Variants in DPP10 observed in about 807,000 individuals in gnomAD.
The protein encoded by DPP10 is inactive dipeptidyl peptidase 10.
In DPP10, 33 loss-of-function variants were observed where a neutral mutation model predicts 120.9. The ratio of observed to expected loss-of-function variants is 0.27; its 90% CI spans 0.21 to 0.37. The LOEUF (loss-of-function observed/expected upper bound fraction) is 0.37. Ranked by LOEUF, DPP10 falls within the 10% of genes least tolerant of loss-of-function variation. The pLI is 1.00. For missense variants in DPP10, 816 were observed against 942.8 expected, an observed-to-expected ratio of 0.87 and a Z score of 1.76; for synonymous variants, 337 against 326.1, an observed-to-expected ratio of 1.03 and a Z score of -0.36.
intron 7 of DPP10, among the ~76,000 whole-genome samples, chr2:115,710,599 T>C (rs2092286130): frequency 6.6e-6 from 1 of 152,130 alleles, no homozygotes; most frequent in South Asian, 2.1e-4. Flanking sequence ...GTTCATTTTT[T>C]TTCTAACATT....
intron 3 of DPP10, among the ~76,000 whole-genome samples, chr2:115,460,394 G>T (rs1203740330): frequency 6.6e-6 from 1 of 152,078 alleles, no homozygotes; most frequent in East Asian, 1.9e-4. Context: ...ATCTCCCAAG[G>T]TGACATTCCC....
intron 1 of DPP10, among the ~76,000 whole-genome samples, chr2:114,600,622 G>A (rs1692280835): frequency 6.6e-6 from 1 of 151,892 alleles, no homozygotes; most frequent in East Asian, 1.9e-4. Context: ...GATTTGACTT[G>A]ACACAGCTAC....
chr2:114,572,627 G>C (rs559071158), intron 1 of DPP10, among the ~76,000 whole-genome samples: 13 of 152,214 alleles, frequency 8.5e-5, no homozygotes, highest in Non-Finnish European at 1.9e-4. Context: ...TCAGGGAAAG[G>C]AGTAAACCTA....
At chr2:114,496,006 G>C (rs551950257) in intron 1 of DPP10, among the ~76,000 whole-genome samples, 2 of 152,298 alleles carry the variant, frequency 1.3e-5, no homozygotes, top group South Asian at 4.1e-4. Context: ...GTATTAGTCA[G>C]TGTCCAGTCA....
intron 1 of DPP10, among the ~76,000 whole-genome samples, chr2:114,580,477 CAG>C (rs1690407245): frequency 6.6e-6 from 1 of 152,144 alleles, no homozygotes; most frequent in Non-Finnish European, 1.5e-5. Flanking sequence ...CCAAGAGAGA[CAG>C]AGAGACACAG....
At chr2:114,927,572 G>A (rs1478089306) in intron 1 of DPP10, among the ~76,000 whole-genome samples, 1 of 152,064 alleles carries the variant, frequency 6.6e-6, no homozygotes, top group African/African-American at 2.4e-5. Flanking sequence ...TTTCCAAAGA[G>A]GGCAATCGGA....
intron 4 of DPP10, among the ~76,000 whole-genome samples, chr2:115,502,551 C>T (rs4091985): frequency 0.97 from 147,547 of 152,284 alleles, 71,652 homozygotes; most frequent in East Asian, 1. Context: ...TGTCAATAAT[C>T]TGAATATCAC....
chr2:115,609,092 T>C (rs1481512775), intron 5 of DPP10, among the ~76,000 whole-genome samples: 1 of 151,638 alleles, frequency 6.6e-6, no homozygotes, highest in African/African-American at 2.4e-5. Context: ...ATGTAGAAAA[T>C]AAACTATTCC....
chr2:115,088,008 G>A (rs1303304002), intron 1 of DPP10, among the ~76,000 whole-genome samples: 8 of 152,214 alleles, frequency 5.3e-5, no homozygotes, highest in Admixed American at 5.2e-4. Flanking sequence ...AGCCTGGGAA[G>A]TTTAAGATGA....
chr2:115,311,215 C>A (rs977828806), intron 2 of DPP10, among the ~76,000 whole-genome samples: 27 of 152,170 alleles, frequency 1.8e-4, no homozygotes, highest in African/African-American at 6.3e-4. Flanking sequence ...ATTTAACCTT[C>A]TCTCTCACTT....
intron 1 of DPP10, among the ~76,000 whole-genome samples, chr2:114,714,073 G>T (rs1417859374): frequency 2.7e-5 from 1 of 36,746 alleles, no homozygotes; most frequent in Non-Finnish European, 6.0e-5. Context: ...ATTTGTGTTT[G>T]TGTGTGTGTG....
intron 5 of DPP10, among the ~76,000 whole-genome samples, chr2:115,616,510 G>A (rs1282712449): frequency 6.6e-6 from 1 of 151,650 alleles, no homozygotes; most frequent in South Asian, 2.1e-4. Context: ...AACTCTGAAA[G>A]CACATTTCCA....
At chr2:114,692,130 G>T (rs568880451) in intron 1 of DPP10, among the ~76,000 whole-genome samples, 1 of 151,710 alleles carries the variant, frequency 6.6e-6, no homozygotes, top group Non-Finnish European at 1.5e-5. Flanking sequence ...TCCAGCTGTG[G>T]GGTTTGTTTG....
chr2:114,728,844 T>C (rs1167674593), intron 1 of DPP10, among the ~76,000 whole-genome samples: 1 of 152,208 alleles, frequency 6.6e-6, no homozygotes, highest in Admixed American at 6.5e-5. Context: ...TGTTAGGTAG[T>C]AATGAATAAC....
At chr2:115,328,220 CAT>C (rs1040291618) in intron 2 of DPP10, among the ~76,000 whole-genome samples, 3 of 152,044 alleles carry the variant, frequency 2.0e-5, no homozygotes, top group Admixed American at 2.0e-4. Context: ...TGTGTGTACA[CAT>C]GTGTATGTAT....
chr2:114,967,063 CA>C (rs1558934212), intron 1 of DPP10, among the ~76,000 whole-genome samples: 1 of 151,608 alleles, frequency 6.6e-6, no homozygotes, highest in Non-Finnish European at 1.5e-5. Flanking sequence ...AACAAACAAA[CA>C]AAAAAAGAGA....
chr2:115,552,570 A>G (rs1455544193), intron 5 of DPP10, among the ~76,000 whole-genome samples: 1 of 152,014 alleles, frequency 6.6e-6, no homozygotes, highest in African/African-American at 2.4e-5. Context: ...TGTGATAGGT[A>G]TTTTGAAGGA....
intron 1 of DPP10, among the ~76,000 whole-genome samples, chr2:114,979,158 C>T (rs1443714020): frequency 1.3e-5 from 2 of 152,042 alleles, no homozygotes; most frequent in Non-Finnish European, 2.9e-5. Flanking sequence ...GAGACATTTT[C>T]TCTAGCTTGA....
At position 115,816,680 on chromosome 2, in the gene DPP10, G is replaced by A. The variant is rs189800138; in HGVS notation, c.1950+951G>A. 3.9e-3 allele frequency among the ~76,000 whole-genome samples: 571 copies of A among 146,412 alleles called. 3 individuals are homozygous for A. The highest frequency in any genetic ancestry group is 0.013 in the African/African-American group (499 of 39,894). On this transcript the variant is annotated intron_variant, in intron 21 of 25. Coordinates refer to ENST00000410059, the MANE Select transcript of DPP10 (RefSeq NM_020868.6). ...TTGCCAGGCTGGAGTGCAGTGGCGC[G>A]ATCTGGGCTCACTGCAACCTCCACC...
Sources: gnomAD v4.1 joint callset for allele counts (sites outside exome capture counted in the v4.1 genomes callset) on GRCh38, gnomAD v4.1.1 for gene constraint, MANE v1.5 for transcripts, NCBI Gene and HGNC (gene_info 2026-07-23, HGNC 2026-07-21) for gene names.